The following CDYL2 variants were observed in gnomAD, a reference collection of about 807,000 sequenced individuals.
CDYL2 encodes chromodomain Y like 2.
Under a neutral mutation model 49.4 loss-of-function variants are expected in CDYL2, and 23 were observed. That is an observed-to-expected ratio of 0.47 (90% CI 0.34 to 0.66). CDYL2 has a LOEUF of 0.66. Among genes scored for constraint, CDYL2 ranks in the 30% least tolerant of loss-of-function variants. The pLI, the probability that CDYL2 is intolerant of heterozygous loss-of-function variation, is 0.01. For synonymous variants in CDYL2, 360 were observed against 268.8 expected (o/e 1.34, Z -3.32); for missense variants, 678 against 656.4 (o/e 1.03, Z -0.36).
intron 1 of CDYL2, among the ~76,000 whole-genome samples, chr16:80,734,928 C>G (rs2142543928): frequency 6.6e-6 from 1 of 152,224 alleles, no homozygotes; most frequent in East Asian, 1.9e-4. Context: ...CTGTTGATGC[C>G]CCTCCATTCA....
At position 80,601,291 on chromosome 16, in the gene CDYL2, C is replaced by T. The variant is rs572792109; in HGVS notation, c.*3097G>A. 45 of 152,374 alleles carry T rather than the reference C, an allele frequency of 3.0e-4. No individual in the cohort carries two copies. Among genetic ancestry groups the T allele is most frequent in the African/African-American group, 1.1e-3 (44 of 41,564 alleles). The allele number at this position is 152,374 out of a possible 1,614,324, so 9.4% of individuals were successfully genotyped here. Reference sequence around the variant, plus strand: ...GGGCAGAGAGGGAAGGAGAGTTCCACTGCATGGCTAACAGGATGGGAGGGA... The same window carrying T: ...GGGCAGAGAGGGAAGGAGAGTTCCATTGCATGGCTAACAGGATGGGAGGGA... On this transcript the variant is annotated 3_prime_UTR_variant, in exon 7 of 7. Coordinates refer to ENST00000570137, the MANE Select transcript of CDYL2 (RefSeq NM_152342.4).
At chr16:80,748,506 TA>T (rs538432449) in intron 1 of CDYL2, among the ~76,000 whole-genome samples, 1,499 of 18,992 alleles carry the variant, frequency 0.079, 4 homozygotes, top group Non-Finnish European at 0.12. Flanking sequence ...AAAACTCCAT[TA>T]AAAAAAAAAA....
chr16:80,618,902 C>A (rs1484449361), intron 4 of CDYL2, among the ~76,000 whole-genome samples: 1 of 152,200 alleles, frequency 6.6e-6, no homozygotes, highest in Non-Finnish European at 1.5e-5. Context: ...TCCTTCCAGG[C>A]TGTATTAGTT....
intron 2 of CDYL2, among the ~76,000 whole-genome samples, chr16:80,668,089 G>T (rs1036389801): frequency 1.3e-5 from 2 of 152,238 alleles, no homozygotes; most frequent in Admixed American, 6.5e-5. Context: ...GGTTTGGCAG[G>T]AGCAGGTCCC....
intron 2 of CDYL2, among the ~76,000 whole-genome samples, chr16:80,669,591 G>C (rs1008699701): frequency 6.6e-6 from 1 of 152,118 alleles, no homozygotes; most frequent in Non-Finnish European, 1.5e-5. Flanking sequence ...CCCTCAGCCG[G>C]GGGATGCCAG....
At chr16:80,790,257 A>G (rs3114385) in intron 1 of CDYL2, among the ~76,000 whole-genome samples, 23,224 of 152,164 alleles carry the variant, frequency 0.15, 1,954 homozygotes, top group Non-Finnish European at 0.19. Context: ...AGCCAATACC[A>G]TAGACGTGGC....
chr16:80,736,664 AC>A (rs1436316183), intron 1 of CDYL2: 2 of 152,236 alleles, frequency 1.3e-5, no homozygotes, highest in African/African-American at 4.8e-5. Context: ...TCACCCCAGC[AC>A]TTTAGGAGGC....
intron 1 of CDYL2, among the ~76,000 whole-genome samples, chr16:80,758,668 G>A (rs532356345): frequency 4.0e-5 from 6 of 149,732 alleles, no homozygotes; most frequent in African/African-American, 1.2e-4. Flanking sequence ...TCAGCCTCCC[G>A]AGTAGCTGGG....
At chr16:80,658,293 T>A (rs1436089787) in intron 2 of CDYL2, among the ~76,000 whole-genome samples, 1 of 151,974 alleles carries the variant, frequency 6.6e-6, no homozygotes, top group African/African-American at 2.4e-5. Context: ...GCAATAAAGA[T>A]GGGGGGTGGA....
chr16:80,620,541 T>C (rs1043335719), intron 4 of CDYL2, among the ~76,000 whole-genome samples: 10 of 152,314 alleles, frequency 6.6e-5, no homozygotes, highest in African/African-American at 2.4e-4. Flanking sequence ...GGCAGGACCA[T>C]GGTTAGAGAT....
chr16:80,606,601 A>C (rs544424253), intron 6 of CDYL2, among the ~76,000 whole-genome samples: 4 of 152,230 alleles, frequency 2.6e-5, no homozygotes, highest in African/African-American at 7.2e-5. Context: ...CTGTCTCTCC[A>C]TGAAGCTAAC....
intron 5 of CDYL2, among the ~76,000 whole-genome samples, chr16:80,610,400 G>C (rs1284069526): frequency 1.3e-5 from 2 of 152,150 alleles, no homozygotes; most frequent in African/African-American, 2.4e-5. Context: ...ATAAAATCAA[G>C]ACATCAAAAG....
rs770332841 is a variant in CDYL2 at position 80,633,230 on chromosome 16, G to T, written c.623C>A (p.Ala208Asp). Residue 208 changes from alanine (A) to aspartate (D), a missense_variant, in exon 3 of 7, where the codon GCT (alanine) becomes GAT (aspartate). Ala to Asp is a moderately radical substitution (Grantham distance 126). Around this residue, in one of 3 missense-constraint regions of CDYL2, gnomAD observed 478 missense variants for 427.0 expected, o/e 1.12. Coordinates refer to ENST00000570137, the MANE Select transcript of CDYL2 (RefSeq NM_152342.4). ...CAGGTTCAATCCCCCGTTGGTCAGA[G>T]CAGAGCCTTCCAAAACCAGATAAAC... The part of the protein sequence containing the change: ...ATLAENGLGS[A>D]LTNGGLNLHS... 4.3e-6 allele frequency: 7 copies of T among 1,612,204 alleles called. No individual in the cohort carries two copies. In the South Asian group the frequency reaches 7.7e-5, roughly 18 times the overall value.
chr16:80,799,030 T>C (rs184817227), intron 1 of CDYL2, among the ~76,000 whole-genome samples: 68 of 151,868 alleles, frequency 4.5e-4, no homozygotes, highest in African/African-American at 1.6e-3. Context: ...TAGATATATA[T>C]AGATATATAG....
At chr16:80,664,014 C>T (rs994918013) in intron 2 of CDYL2, among the ~76,000 whole-genome samples, 2 of 152,112 alleles carry the variant, frequency 1.3e-5, no homozygotes, top group Admixed American at 6.5e-5. Flanking sequence ...CAAGGCCATG[C>T]TAACTCCAAA....
intron 1 of CDYL2, chr16:80,742,135 C>T (rs900120832): frequency 1.3e-5 from 2 of 152,168 alleles, no homozygotes; most frequent in African/African-American, 4.8e-5. Flanking sequence ...AAGAATCATC[C>T]AAGGTCACAC....
intron 1 of CDYL2, among the ~76,000 whole-genome samples, chr16:80,747,713 T>C (rs1034260026): frequency 5.3e-5 from 8 of 152,078 alleles, no homozygotes; most frequent in African/African-American, 1.4e-4. Flanking sequence ...CCAAAAGCTA[T>C]CTTCACAGAC....
chr16:80,758,822 G>C (rs541906776), intron 1 of CDYL2, among the ~76,000 whole-genome samples: 1 of 151,436 alleles, frequency 6.6e-6, no homozygotes, highest in Admixed American at 6.6e-5. Flanking sequence ...GATTACAGGC[G>C]TGAGCCACCA....
At chr16:80,735,124 A>G (rs886656830) in intron 1 of CDYL2, 4 of 152,252 alleles carry the variant, frequency 2.6e-5, no homozygotes, top group African/African-American at 9.6e-5. Flanking sequence ...CTCAAGGGTG[A>G]GAACTTCTCA....
Sources: gnomAD v4.1 joint callset for allele counts (sites outside exome capture counted in the v4.1 genomes callset) on GRCh38, gnomAD v4.1.1 for gene constraint, gnomAD v4.1.1 regional missense constraint, MANE v1.5 for transcripts, NCBI Gene and HGNC (gene_info 2026-07-23, HGNC 2026-07-21) for gene names.